Variants in ST7 observed in about 807,000 individuals in gnomAD.
ST7 encodes the protein suppressor of tumorigenicity 7 protein.
A neutral mutation model predicts 78.7 loss-of-function variants in ST7; 28 were observed. The ratio of observed to expected loss-of-function variants is 0.36; its 90% confidence interval spans 0.26 to 0.49. ST7 has a LOEUF of 0.49. Among genes scored for constraint, ST7 ranks in the 20% least tolerant of loss-of-function variants. The probability of loss-of-function intolerance (pLI) is 0.99; values close to 1 mark genes in which losing one functional copy is unlikely to be tolerated. For synonymous variants in ST7, 247 were observed against 249.6 expected (o/e 0.99, Z 0.10); for missense variants, 418 against 696.0 (o/e 0.60, Z 4.49).
chr7:117,208,382 C>T lies in ST7; in HGVS notation c.1255-1405C>T, dbSNP rs139893513. 2.6e-3 allele frequency among the ~76,000 whole-genome samples: 399 copies of T among 152,198 alleles called. 5 individuals are homozygous for T. The highest frequency in any genetic ancestry group is 9.1e-3 in the African/African-American group (379 of 41,540). On this transcript the variant is annotated intron_variant, in intron 12 of 15. Transcript: ENST00000323984. ...CTATCCTACCTCCTCCCAAGTGTGA[C>T]GACCGTTATCAGTGTCCTCCTGCTG...
chr7:117,200,871 A>G (rs1810779980), intron 12 of ST7, among the ~76,000 whole-genome samples: 1 of 151,756 alleles, frequency 6.6e-6, no homozygotes, highest in African/African-American at 2.4e-5. Context: ...TTAATCTAGA[A>G]ACTCTAATTT....
At chr7:117,223,867 G>C (rs1793277541) in intron 15 of ST7, 1 of 813,130 alleles carries the variant, frequency 1.2e-6, no homozygotes, top group Admixed American at 6.2e-5. Flanking sequence ...ACAGTGCCTT[G>C]CTCATAGTAG....
At chr7:116,959,882 C>G (rs977063889) in intron 1 of ST7, 2 of 152,346 alleles carry the variant, frequency 1.3e-5, no homozygotes, top group African/African-American at 2.4e-5. Flanking sequence ...AAGTTTCCTT[C>G]TAGCTCTGGG....
intron 12 of ST7, among the ~76,000 whole-genome samples, chr7:117,194,537 T>A (rs76580456): frequency 0.016 from 2,383 of 152,300 alleles, 67 homozygotes; most frequent in African/African-American, 0.052. Flanking sequence ...ATTGGGGATG[T>A]TAATGATGCT....
intron 1 of ST7, among the ~76,000 whole-genome samples, chr7:116,987,188 C>T (rs933269128): frequency 1.3e-5 from 2 of 152,156 alleles, no homozygotes; most frequent in African/African-American, 4.8e-5. Flanking sequence ...TTCTCAGTCA[C>T]CCCAAAGAAG....
intron 1 of ST7, among the ~76,000 whole-genome samples, chr7:116,984,431 G>A (rs1245376991): frequency 2.6e-5 from 4 of 152,110 alleles, no homozygotes; most frequent in Admixed American, 6.5e-5. Context: ...ATACAATAGC[G>A]CATCTCTCTT....
chr7:117,173,025 A>G (rs1322175561), intron 10 of ST7, among the ~76,000 whole-genome samples: 1 of 152,184 alleles, frequency 6.6e-6, no homozygotes, highest in African/African-American at 2.4e-5. Flanking sequence ...GATTTATTAG[A>G]TTCTGATAAC....
intron 1 of ST7, among the ~76,000 whole-genome samples, chr7:117,084,770 A>G (rs1420518031): frequency 6.6e-6 from 1 of 152,232 alleles, no homozygotes; most frequent in African/African-American, 2.4e-5. Flanking sequence ...AGTAAAGTTC[A>G]AGTACCAATA....
intron 9 of ST7, among the ~76,000 whole-genome samples, chr7:117,168,814 T>A (rs1807762206): frequency 6.6e-6 from 1 of 152,242 alleles, no homozygotes; most frequent in Admixed American, 6.5e-5. Context: ...ATGTTCCTAA[T>A]GAAGGAAGAA....
chr7:117,219,133 T>C lies in ST7; in HGVS notation c.1455T>C (p.Pro485=). The C allele has an allele frequency of 6.2e-7, 1 of 1,613,718 alleles. No homozygotes were observed. The highest frequency in any genetic ancestry group is 8.5e-7 in the Non-Finnish European group (1 of 1,179,856). The change falls in exon 14 of 16, where the codon CCT becomes CCC. Residue 485 remains proline, a synonymous_variant. Transcript: ENST00000323984. This position sits in a 1 kb window ranked among gnomAD's most constrained non-coding sequence, Gnocchi z 5.1. ...TGGAAAAGGGGCACCTATTTTATCCTTACCCAATCTGTACAGAAACAGCAG... is the reference window on the plus strand; with the variant it reads ...TGGAAAAGGGGCACCTATTTTATCCCTACCCAATCTGTACAGAAACAGCAG... The part of the protein sequence containing the change: ...YPLEKGHLFY[P]YPICTETADR...
intron 1 of ST7, among the ~76,000 whole-genome samples, chr7:117,089,598 A>C (rs1276992613): frequency 6.7e-6 from 1 of 149,760 alleles, no homozygotes; most frequent in Non-Finnish European, 1.5e-5. Flanking sequence ...TTGAGATGGA[A>C]TCTCGCTCTG....
intron 1 of ST7, among the ~76,000 whole-genome samples, chr7:117,000,979 T>C (rs1794908280): frequency 6.6e-6 from 1 of 152,256 alleles, no homozygotes; most frequent in Non-Finnish European, 1.5e-5. Context: ...TTTTCTGTAT[T>C]GTAGCCTATG....
At chr7:117,153,473 A>G (rs1806449066) in intron 9 of ST7, among the ~76,000 whole-genome samples, 1 of 152,190 alleles carries the variant, frequency 6.6e-6, no homozygotes, top group Non-Finnish European at 1.5e-5. Context: ...GGAGAAGTGC[A>G]GGATCAATCA....
At chr7:116,960,272 C>T (rs953995967) in intron 1 of ST7, among the ~76,000 whole-genome samples, 4 of 152,088 alleles carry the variant, frequency 2.6e-5, no homozygotes, top group Non-Finnish European at 5.9e-5. Context: ...TGACTGCAAC[C>T]TCTGCCTCCT....
chr7:117,226,095 T>C (rs964264964), intron 15 of ST7, among the ~76,000 whole-genome samples: 3 of 152,214 alleles, frequency 2.0e-5, no homozygotes, highest in South Asian at 2.1e-4. Context: ...TGTTCACTTA[T>C]AGTCCTCGAC....
At chr7:117,126,027 T>C (rs1218012125) in intron 3 of ST7, among the ~76,000 whole-genome samples, 1 of 152,002 alleles carries the variant, frequency 6.6e-6, no homozygotes, top group Non-Finnish European at 1.5e-5. Context: ...AACTAATGTA[T>C]GTAAGGAATG....
At chr7:117,227,375 C>A (rs1793515479) in intron 15 of ST7, among the ~76,000 whole-genome samples, 1 of 152,206 alleles carries the variant, frequency 6.6e-6, no homozygotes. Flanking sequence ...ATAACTTTGC[C>A]AGCAATATCA....
intron 1 of ST7, among the ~76,000 whole-genome samples, chr7:116,969,471 TA>T (rs1429731093): frequency 6.6e-6 from 1 of 152,214 alleles, no homozygotes; most frequent in African/African-American, 2.4e-5. Context: ...TGTCATGACA[TA>T]ATACCAACTT....
intron 1 of ST7, among the ~76,000 whole-genome samples, chr7:117,087,653 T>G (rs942191690): frequency 6.6e-6 from 1 of 152,242 alleles, no homozygotes; most frequent in African/African-American, 2.4e-5. Flanking sequence ...CTCTCCTCTT[T>G]ACTGCCAGAC....
Sources: gnomAD v4.1 joint callset for allele counts (sites outside exome capture counted in the v4.1 genomes callset) on GRCh38, gnomAD v4.1.1 for gene constraint, Gnocchi (gnomAD v3.1) non-coding constraint, MANE v1.5 for transcripts, NCBI Gene and HGNC (gene_info 2026-07-23, HGNC 2026-07-21) for gene names.